The following ABCA13 variants were observed in gnomAD, a reference collection of about 807,000 sequenced individuals.
ABCA13 encodes ATP binding cassette subfamily A member 13.
ABCA13 carries 476 observed loss-of-function variants against 478.7 expected under a neutral mutation model. The ratio of observed to expected loss-of-function variants is 0.99; its 90% CI spans 0.92 to 1.07. ABCA13 has a LOEUF of 1.07. Ranked by LOEUF, ABCA13 falls within the 50% of genes least tolerant of loss-of-function variation. ABCA13 has a pLI of 0.00. For missense variants in ABCA13, 6,060 were observed against 5,910.6 expected, an observed-to-expected ratio of 1.03 and a Z score of -0.83; for synonymous variants, 2,252 against 2,158.9, an observed-to-expected ratio of 1.04 and a Z score of -1.20.
chr7:48,486,434 G>T (rs1188228661), intron 47 of ABCA13, among the ~76,000 whole-genome samples: 1 of 152,172 alleles, frequency 6.6e-6, no homozygotes, highest in Non-Finnish European at 1.5e-5. Flanking sequence ...ACTGTAATAT[G>T]CGTCACCCTT....
rs986138882 is a variant in ABCA13, at chr7:48,374,050, T to G, written c.11134-297T>G. Among the ~76,000 whole-genome samples the G allele has an allele frequency of 3.9e-5, 6 of 152,352 alleles. No homozygotes were observed. The South Asian group carries it at 6.2e-4, about 16-fold the overall frequency. On this transcript the variant is annotated intron_variant, in intron 33 of 61. Coordinates refer to ENST00000435803, the MANE Select transcript of ABCA13 (RefSeq NM_152701.5). Reference sequence around the variant, plus strand: ...TACTCTATTCCAGTTTTCACTGTTTTGTGTTACACATTTCTGTGTATGATA... The same window carrying G: ...TACTCTATTCCAGTTTTCACTGTTTGGTGTTACACATTTCTGTGTATGATA...
intron 31 of ABCA13, among the ~76,000 whole-genome samples, chr7:48,356,337 T>G (rs1809906916): frequency 6.6e-6 from 1 of 151,342 alleles, no homozygotes; most frequent in Non-Finnish European, 1.5e-5. Flanking sequence ...CAGACAGCTC[T>G]CAATGGGAAG....
At chr7:48,506,112 A>G in intron 48 of ABCA13, among the ~76,000 whole-genome samples, 1 of 152,214 alleles carries the variant, frequency 6.6e-6, no homozygotes, top group East Asian at 1.9e-4. Context: ...TGAACAATTC[A>G]TGCTGGTTAT....
chr7:48,596,324 A>C (rs986533936), intron 58 of ABCA13, among the ~76,000 whole-genome samples: 5 of 152,230 alleles, frequency 3.3e-5, no homozygotes, highest in Admixed American at 2.0e-4. Flanking sequence ...CTGCCAGACT[A>C]AACTTTACAC....
intron 34 of ABCA13, 69 bp downstream of exon 34, chr7:48,374,485 C>CA: frequency 1.5e-6 from 2 of 1,358,398 alleles, no homozygotes; most frequent in Non-Finnish European, 2.0e-6. Context: ...AGTTATATTG[C>CA]AAGTGATCCA....
chr7:48,393,924 C>T (rs540317582), intron 38 of ABCA13, among the ~76,000 whole-genome samples: 21 of 152,304 alleles, frequency 1.4e-4, no homozygotes, highest in Admixed American at 9.8e-4. Flanking sequence ...AGCTGGCCTT[C>T]CTGCCTGCTG....
chr7:48,400,197 C>T (rs970093709), intron 38 of ABCA13, among the ~76,000 whole-genome samples: 1 of 152,164 alleles, frequency 6.6e-6, no homozygotes, highest in African/African-American at 2.4e-5. Flanking sequence ...TACCTATACT[C>T]TTATTATAAT....
chr7:48,578,740 G>A (rs1055801002), intron 55 of ABCA13, among the ~76,000 whole-genome samples: 6 of 152,106 alleles, frequency 3.9e-5, no homozygotes, highest in Admixed American at 1.3e-4. Context: ...TCCATGATAG[G>A]CAACACAGTA....
At chr7:48,236,127 T>C (rs1789916015) in intron 8 of ABCA13, among the ~76,000 whole-genome samples, 1 of 152,176 alleles carries the variant, frequency 6.6e-6, no homozygotes, top group Admixed American at 6.5e-5. Flanking sequence ...TTAAGGCTTA[T>C]ATGCCATCCA....
intron 24 of ABCA13, among the ~76,000 whole-genome samples, chr7:48,310,686 A>C (rs1801645909): frequency 6.6e-6 from 1 of 152,102 alleles, no homozygotes; most frequent in Non-Finnish European, 1.5e-5. Context: ...GCCGGCTCTG[A>C]CAAGCATGAT....
rs568425013 is a variant in ABCA13 at position 48,247,664 on chromosome 7, C to T, written c.1660-575C>T. On this transcript the variant is annotated intron_variant, in intron 13 of 61. Coordinates refer to ENST00000435803, the MANE Select transcript of ABCA13 (RefSeq NM_152701.5). ...AGTCTGGTTAGCTAGGATACTGAGA[C>T]GAGGGCCTCTCATCCTCCTCTCAGA... Among the ~76,000 whole-genome samples, 17 of 152,180 alleles carry T rather than the reference C, an allele frequency of 1.1e-4. 1 individual carries two copies. In the South Asian group the frequency reaches 3.3e-3, roughly 30 times the overall value.
intron 1 of ABCA13, among the ~76,000 whole-genome samples, chr7:48,186,116 A>G (rs1693149842): frequency 1.3e-5 from 2 of 151,996 alleles, no homozygotes; most frequent in Admixed American, 6.6e-5. Flanking sequence ...CAGCCATTCT[A>G]AATAGCATAT....
chr7:48,502,617 A>G (rs150596271), intron 48 of ABCA13, among the ~76,000 whole-genome samples: 1,568 of 152,304 alleles, frequency 0.01, 13 homozygotes, highest in Non-Finnish European at 0.016. Context: ...AGAAGGGTGT[A>G]TGATATGCTG....
chr7:48,427,850 A>G lies in ABCA13; in HGVS notation c.12544A>G (p.Thr4182Ala), dbSNP rs770497791. 5.6e-6 allele frequency: 9 copies of G among 1,608,510 alleles called. No individual in the cohort carries two copies. The highest frequency in any genetic ancestry group is 1.7e-4 in the Middle Eastern group (1 of 6,016). The change falls in exon 42 of 62, where the codon ACA (threonine) becomes GCA (alanine). Residue 4182 changes from threonine (T) to alanine (A), a missense_variant. Coordinates refer to ENST00000435803, the MANE Select transcript of ABCA13 (RefSeq NM_152701.5). ...GTCAGAGCTGCAGAACCACAGGCCT[A>G]CAGGACATCTGTCTGGCTACTGTAA... ...TESELQNHRP[T>A]GHLSGYCGSL... is the part of the protein sequence containing the mutation.
chr7:48,593,951 CT>C lies in ABCA13; in HGVS notation c.14641-751del, dbSNP rs199745062. Among the ~76,000 whole-genome samples, 547 of 151,716 alleles carry C rather than the reference CT, an allele frequency of 3.6e-3. 5 individuals are homozygous for C. The highest frequency in any genetic ancestry group is 0.013 in the African/African-American group (531 of 41,420). On this transcript the variant is annotated intron_variant, in intron 57 of 61. Transcript: ENST00000435803. ...AGCCTTGTGGATGTATGTCATGAGC[CT>C]TTTTTTTCCTCTTGTTGCTGTGAAA...
intron 48 of ABCA13, among the ~76,000 whole-genome samples, chr7:48,500,952 C>T: frequency 6.6e-6 from 1 of 152,172 alleles, no homozygotes; most frequent in East Asian, 1.9e-4. Flanking sequence ...ACTGCTGCGG[C>T]ATAATGGGCA....
chr7:48,391,003 G>C (rs1461190102), intron 37 of ABCA13, among the ~76,000 whole-genome samples: 2 of 152,158 alleles, frequency 1.3e-5, no homozygotes, highest in Non-Finnish European at 2.9e-5. Context: ...TAACTTTTCA[G>C]AAATAAGAAA....
chr7:48,291,531 C>G (rs1009930172), intron 20 of ABCA13, among the ~76,000 whole-genome samples: 1 of 152,100 alleles, frequency 6.6e-6, no homozygotes, highest in Non-Finnish European at 1.5e-5. Flanking sequence ...TTGACTGGGT[C>G]CTGCCATGGG....
intron 3 of ABCA13, among the ~76,000 whole-genome samples, chr7:48,207,107 C>T (rs1785028285): frequency 1.3e-5 from 2 of 152,092 alleles, no homozygotes. Context: ...AACATAATGC[C>T]TTCCAGTTGC....
Sources: allele counts gnomAD v4.1 joint callset (sites outside exome capture counted in the v4.1 genomes callset), GRCh38; gene constraint gnomAD v4.1.1; transcripts MANE v1.5; gene names NCBI Gene and HGNC (gene_info 2026-07-23, HGNC 2026-07-21).